ADAM2: variants seen among roughly 807,000 people sequenced by gnomAD.
The protein encoded by ADAM2 is ADAM metallopeptidase domain 2, also known as disintegrin and metalloproteinase domain-containing protein 2.
ADAM2 carries 101 observed loss-of-function variants against 99.3 expected under a neutral mutation model. The observed-to-expected ratio is 1.02, with a 90% CI of 0.87 to 1.20. ADAM2 has a LOEUF of 1.20. Among genes scored for constraint, ADAM2 ranks in the 50% most tolerant of loss-of-function variants. The pLI, the probability that ADAM2 is intolerant of heterozygous loss-of-function variation, is 0.00. For missense variants in ADAM2, 948 were observed against 878.7 expected (o/e 1.08, Z -1.00); for synonymous variants, 323 against 287.6 (o/e 1.12, Z -1.25).
rs1461240244 is a variant in ADAM2 at position 39,821,069 on chromosome 8, T to A, written c.446A>T (p.Asp149Val). ...ATCCTTCTCATTATATAAGGAAACA[T>A]CTGCTTTCTTATGTTTTACTTGGTA... ...VIYQVKHKKA[D>V]VSLYNEKDIE... Residue 149 changes from aspartate to valine, a missense_variant, in exon 6 of 21, where the codon GAT (aspartate) becomes GTT (valine). Physicochemically the swap from Asp to Val is radical, Grantham distance 152 (BLOSUM62 -3). Transcript: ENST00000265708. 1 of 1,605,114 alleles carries A rather than the reference T, an allele frequency of 6.2e-7. No individual in the cohort carries two copies.
chr8:39,806,496 ATATT>A (rs1177646825), intron 7 of ADAM2, among the ~76,000 whole-genome samples: 3 of 148,060 alleles, frequency 2.0e-5, no homozygotes. Flanking sequence ...TATAAATATT[ATATT>A]ATTTGTAATA....
chr8:39,744,930 TC>T lies in ADAM2; in HGVS notation c.2175-38del. 1.3e-6 allele frequency: 2 copies of T among 1,508,128 alleles called. 1 individual carries two copies. The allele number at this position is 1,508,128 out of a possible 1,614,324, so 93.4% of individuals were successfully genotyped here. ...AAATAAAAATAATATTATACTTTCT[TC>T]AAGATGATTTTACAAACCTCTGTAT... On this transcript the variant is annotated intron_variant, in intron 19 of 20. Coordinates refer to ENST00000265708, the MANE Select transcript of ADAM2 (RefSeq NM_001464.5).
rs545751145 is a variant in ADAM2, at chr8:39,773,074, A to C, written c.1029-3499T>G. On this transcript the variant is annotated intron_variant, in intron 11 of 20. Transcript: ENST00000265708. ...TTAAATAAGTCTCATGAAATTCAAA[A>C]GATAGACATCTAGAAAGTATATTTT... 2.6e-5 allele frequency among the ~76,000 whole-genome samples: 4 copies of C among 152,068 alleles called. No individual in the cohort carries two copies. In the South Asian group the frequency reaches 8.3e-4, roughly 31 times the overall value.
At chr8:39,769,340 T>C in intron 12 of ADAM2, 52 bp downstream of exon 12, 1 of 1,397,698 alleles carries the variant, frequency 7.2e-7, no homozygotes, top group Non-Finnish European at 9.9e-7. Context: ...CTCGAATTAA[T>C]AAGTAATTTT....
chr8:39,781,862 G>A (rs2129584940), intron 10 of ADAM2, among the ~76,000 whole-genome samples: 1 of 152,262 alleles, frequency 6.6e-6, no homozygotes, highest in Non-Finnish European at 1.5e-5. Context: ...GGTGTTGGTG[G>A]AAGGACATAC....
At chr8:39,750,248 G>A (rs1467048593) in intron 16 of ADAM2, among the ~76,000 whole-genome samples, 6 of 152,068 alleles carry the variant, frequency 3.9e-5, no homozygotes, top group Non-Finnish European at 8.8e-5. Flanking sequence ...GAAATCTAAA[G>A]GGCAGTGTGG....
intron 7 of ADAM2, among the ~76,000 whole-genome samples, chr8:39,800,411 C>T (rs1332854806): frequency 1.3e-5 from 2 of 152,170 alleles, no homozygotes; most frequent in East Asian, 1.9e-4. Flanking sequence ...GTCTGATGGG[C>T]TTCCCTTTGT....
rs1251886948 is a variant in ADAM2 at position 39,761,736 on chromosome 8, T to A, written c.1508-455A>T. Among the ~76,000 whole-genome samples the A allele has an allele frequency of 2.6e-5, 4 of 152,302 alleles. No homozygotes were observed. In the East Asian group the frequency reaches 7.7e-4, roughly 29 times the overall value. On this transcript the variant is annotated intron_variant, in intron 14 of 20. Coordinates refer to ENST00000265708, the MANE Select transcript of ADAM2 (RefSeq NM_001464.5). ...GGAGTCACAATTGATTCATTCACCC[T>A]CCCATCATCCAATCCACATGCATAA...
intron 7 of ADAM2, among the ~76,000 whole-genome samples, chr8:39,791,086 G>C (rs897919997): frequency 1.3e-5 from 2 of 150,950 alleles, no homozygotes; most frequent in Non-Finnish European, 1.5e-5. Flanking sequence ...GTAAGGCCTC[G>C]AATGGGGTGA....
intron 3 of ADAM2, among the ~76,000 whole-genome samples, chr8:39,828,750 A>G (rs1805508714): frequency 6.6e-6 from 1 of 151,908 alleles, no homozygotes; most frequent in Non-Finnish European, 1.5e-5. Flanking sequence ...ACTTCTTTAT[A>G]TACAGTCATT....
At chr8:39,833,872 C>T in intron 3 of ADAM2, 72 bp downstream of exon 3, 1 of 827,468 alleles carries the variant, frequency 1.2e-6, no homozygotes, top group Non-Finnish European at 2.0e-6. Flanking sequence ...AAAATAATTA[C>T]ATTCTGGACA....
chr8:39,838,223 T>C lies in ADAM2; in HGVS notation c.-38A>G, dbSNP rs1421998163. On this transcript the variant is annotated 5_prime_UTR_variant, in exon 1 of 21. Transcript: ENST00000265708. ...TGGGTCCCAGCCGGAATAATGGCAG[T>C]TGGTGGTTACAGGGCAGTTGGAAGC... 6.2e-7 allele frequency: 1 copy of C among 1,612,868 alleles called. No individual in the cohort carries two copies. The highest frequency in any genetic ancestry group is 8.5e-7 in the Non-Finnish European group (1 of 1,179,172).
Position 39,749,234 on chromosome 8 carries a change from A to G in ADAM2, c.2014+78T>C. ...ACATAGTCTAGATATAAATTGGTAG[A>G]CAAAATATTATTTGTTATCCAATTT... is the stretch of plus-strand genomic sequence containing the variant. On this transcript the variant is annotated intron_variant, in intron 18 of 20. Coordinates refer to ENST00000265708, the MANE Select transcript of ADAM2 (RefSeq NM_001464.5). 3.0e-6 allele frequency: 4 copies of G among 1,337,616 alleles called. No individual in the cohort carries two copies. In the Admixed American group the frequency reaches 9.0e-5, roughly 30 times the overall value. 82.9% of individuals were successfully genotyped at this position (1,337,616 alleles called of 1,614,324 possible).
chr8:39,746,941 A>T (rs1823492076), intron 18 of ADAM2, among the ~76,000 whole-genome samples: 1 of 152,060 alleles, frequency 6.6e-6, no homozygotes, highest in African/African-American at 2.4e-5. Flanking sequence ...TGGCATCAGG[A>T]TTATGTTTTC....
At chr8:39,815,544 T>C (rs1804909203) in intron 6 of ADAM2, among the ~76,000 whole-genome samples, 1 of 152,204 alleles carries the variant, frequency 6.6e-6, no homozygotes, top group South Asian at 2.1e-4. Flanking sequence ...CATTTTCAGA[T>C]GTTTCTTTGA....
intron 7 of ADAM2, among the ~76,000 whole-genome samples, chr8:39,790,144 GTTATC>G: frequency 6.6e-6 from 1 of 151,950 alleles, no homozygotes; most frequent in Non-Finnish European, 1.5e-5. Flanking sequence ...GTGAAAAGGA[GTTATC>G]TTATAATCCA....
chr8:39,744,949 C>T, intron 19 of ADAM2, 56 bp from the exon 20 acceptor site: 1 of 1,371,376 alleles, frequency 7.3e-7, no homozygotes, highest in Middle Eastern at 2.4e-4. Context: ...TTTTACAAAC[C>T]TCTGTATTAT....
At chr8:39,817,658 G>A (rs565283614) in intron 6 of ADAM2, among the ~76,000 whole-genome samples, 84 of 151,906 alleles carry the variant, frequency 5.5e-4, no homozygotes, top group African/African-American at 2.0e-3. Context: ...GATTTAAAAC[G>A]TTTAAAAACT....
intron 10 of ADAM2, among the ~76,000 whole-genome samples, chr8:39,782,216 T>G (rs1479256475): frequency 6.6e-6 from 1 of 152,172 alleles, no homozygotes; most frequent in Non-Finnish European, 1.5e-5. Context: ...CTTTTTTTTG[T>G]CCTAAGTAGG....
Sources: allele counts gnomAD v4.1 joint callset (sites outside exome capture counted in the v4.1 genomes callset), GRCh38; gene constraint gnomAD v4.1.1; transcripts MANE v1.5; gene names NCBI Gene and HGNC (gene_info 2026-07-23, HGNC 2026-07-21).